The following EYS variants were observed in gnomAD, a reference collection of about 807,000 sequenced individuals.
The protein encoded by EYS is protein eyes shut homolog.
Under a neutral mutation model 282.1 loss-of-function variants are expected in EYS, and 250 were observed. The ratio of observed to expected loss-of-function variants is 0.89; its 90% CI spans 0.80 to 0.98. The LOEUF is 0.98. EYS is among the 50% of genes least tolerant of loss of function. The probability of loss-of-function intolerance (pLI) is 0.00; values close to 1 mark genes in which losing one functional copy is unlikely to be tolerated. For synonymous variants in EYS, 1,355 were observed against 1,282.9 expected (o/e 1.06, Z -1.20); for missense variants, 4,016 against 3,709.0 (o/e 1.08, Z -2.15).
intron 35 of EYS, among the ~76,000 whole-genome samples, chr6:63,933,857 A>G (rs1008529008): frequency 3.3e-5 from 5 of 152,178 alleles, no homozygotes; most frequent in Admixed American, 1.3e-4. Flanking sequence ...ACATAATATC[A>G]TCCAGGTAAA....
intron 2 of EYS, among the ~76,000 whole-genome samples, chr6:65,614,305 C>G (rs1263903100): frequency 6.6e-6 from 1 of 151,906 alleles, no homozygotes; most frequent in African/African-American, 2.4e-5. Flanking sequence ...ATACACAGGA[C>G]TAGTTAACAA....
At position 65,639,014 on chromosome 6, in the gene EYS, T is replaced by C. The variant is rs531556753; in HGVS notation, c.-333+764A>G. Reference sequence around the variant, plus strand: ...GCTCTATATTCTCCTAGCTGCTCTGTAGAAAAAAGTTCAGACAAAACAAAT... The same window carrying C: ...GCTCTATATTCTCCTAGCTGCTCTGCAGAAAAAAGTTCAGACAAAACAAAT... On this transcript the variant is annotated intron_variant, in intron 2 of 42. Coordinates refer to ENST00000503581, the MANE Select transcript of EYS (RefSeq NM_001142800.2). Among the ~76,000 whole-genome samples, 17 of 152,276 alleles carry C rather than the reference T, an allele frequency of 1.1e-4. 1 individual carries two copies. In the South Asian group the frequency reaches 3.5e-3, roughly 32 times the overall value.
intron 32 of EYS, among the ~76,000 whole-genome samples, chr6:64,079,622 T>A (rs1377316936): frequency 6.6e-6 from 1 of 152,134 alleles, no homozygotes; most frequent in Non-Finnish European, 1.5e-5. Flanking sequence ...GTGCACAACA[T>A]GCAGGTTTGT....
chr6:64,599,414 G>A (rs1317856741), intron 24 of EYS, among the ~76,000 whole-genome samples: 3 of 152,084 alleles, frequency 2.0e-5, no homozygotes, highest in African/African-American at 7.2e-5. Context: ...CTAGATGTAT[G>A]GGGTGAGAAT....
intron 21 of EYS, among the ~76,000 whole-genome samples, chr6:64,815,862 C>A (rs1764730911): frequency 6.6e-6 from 1 of 151,944 alleles, no homozygotes; most frequent in African/African-American, 2.4e-5. Context: ...AGGAACAGGG[C>A]AGTGATATAT....
At chr6:64,625,125 G>T (rs1180921019) in intron 23 of EYS, among the ~76,000 whole-genome samples, 1 of 152,060 alleles carries the variant, frequency 6.6e-6, no homozygotes, top group Non-Finnish European at 1.5e-5. Flanking sequence ...TTGAACATCC[G>T]TTTTGGGTTA....
chr6:65,378,407 GA>G (rs1222587617), intron 8 of EYS, among the ~76,000 whole-genome samples: 4 of 152,188 alleles, frequency 2.6e-5, no homozygotes, highest in African/African-American at 7.2e-5. Context: ...AGGATGTGGA[GA>G]AATAGGAACG....
In EYS at chr6:65,625,574, T is replaced by C. The variant is rs553211291; in HGVS notation, c.-333+14204A>G. On this transcript the variant is annotated intron_variant, in intron 2 of 42. Coordinates refer to ENST00000503581, the MANE Select transcript of EYS (RefSeq NM_001142800.2). ...GTGAAAATGTCAATATAATACCGCA[T>C]ATTTTAGGCAAAGAGAGGTTGTGAA... 2.5e-4 allele frequency among the ~76,000 whole-genome samples: 38 copies of C among 152,314 alleles called. No individual in the cohort carries two copies. The South Asian group carries it at 7.5e-3, about 30-fold the overall frequency.
intron 26 of EYS, among the ~76,000 whole-genome samples, chr6:64,517,651 T>A (rs1344554041): frequency 6.6e-6 from 1 of 151,740 alleles, no homozygotes; most frequent in Non-Finnish European, 1.5e-5. Context: ...AGGGAAAGGA[T>A]CTTCATGTTC....
At chr6:63,897,252 G>A (rs1471287450) in intron 35 of EYS, among the ~76,000 whole-genome samples, 1 of 152,186 alleles carries the variant, frequency 6.6e-6, no homozygotes, top group Non-Finnish European at 1.5e-5. Context: ...CATGTAGTAG[G>A]CTGAACAATG....
chr6:64,185,537 T>C (rs1764910100), intron 31 of EYS, among the ~76,000 whole-genome samples: 1 of 152,190 alleles, frequency 6.6e-6, no homozygotes. Flanking sequence ...GAGTTTTATG[T>C]AGACACGGAA....
intron 18 of EYS, among the ~76,000 whole-genome samples, chr6:64,889,153 A>G (rs1767195907): frequency 6.6e-6 from 1 of 151,976 alleles, no homozygotes; most frequent in Non-Finnish European, 1.5e-5. Flanking sequence ...GTAGTTTACT[A>G]CTTAATTTAT....
intron 2 of EYS, among the ~76,000 whole-genome samples, chr6:65,584,352 C>A (rs555836428): frequency 1.3e-4 from 20 of 152,138 alleles, no homozygotes; most frequent in African/African-American, 4.8e-4. Flanking sequence ...AACAGGAGAA[C>A]TCCACACAAC....
At chr6:64,112,783 TATATCTATA>T (rs1005981296) in intron 31 of EYS, among the ~76,000 whole-genome samples, 1 of 149,532 alleles carries the variant, frequency 6.7e-6, no homozygotes, top group African/African-American at 2.4e-5. Flanking sequence ...TAGAATAATA[TATATCTATA>T]ATATCTATAT....
At chr6:64,187,936 T>C (rs974602284) in intron 31 of EYS, among the ~76,000 whole-genome samples, 29 of 152,228 alleles carry the variant, frequency 1.9e-4, no homozygotes, top group African/African-American at 7.0e-4. Context: ...TCTTCAAAAT[T>C]ATTTGTGTAT....
At chr6:63,925,073 T>A (rs988038034) in intron 35 of EYS, among the ~76,000 whole-genome samples, 1 of 152,198 alleles carries the variant, frequency 6.6e-6, no homozygotes, top group African/African-American at 2.4e-5. Context: ...ATGCTGGACA[T>A]CTTTGGGCAA....
At chr6:65,411,297 C>T (rs1250300432) in intron 5 of EYS, among the ~76,000 whole-genome samples, 2 of 151,946 alleles carry the variant, frequency 1.3e-5, no homozygotes, top group African/African-American at 4.8e-5. Flanking sequence ...TAAATATATC[C>T]TGTGTGTATA....
rs553873457 is a variant in EYS at position 64,940,703 on chromosome 6, CT to C, written c.2381+5089del. On this transcript the variant is annotated intron_variant, in intron 15 of 42. Transcript: ENST00000503581. ...TATATTACCAAAATTATTTATTTAT[CT>C]TTTTTTTGTCACATAGTATCTATGC... Among the ~76,000 whole-genome samples, 171 of 151,686 alleles carry C rather than the reference CT, an allele frequency of 1.1e-3. 1 individual carries two copies. Among genetic ancestry groups the C allele is most frequent in the African/African-American group, 4.0e-3 (164 of 41,416 alleles).
chr6:65,085,599 A>C (rs1774342090), intron 12 of EYS, among the ~76,000 whole-genome samples: 1 of 152,156 alleles, frequency 6.6e-6, no homozygotes, highest in Non-Finnish European at 1.5e-5. Flanking sequence ...ATATGCCCAG[A>C]AAAATTCAAG....
Sources: allele counts gnomAD v4.1 joint callset (sites outside exome capture counted in the v4.1 genomes callset), GRCh38; gene constraint gnomAD v4.1.1; transcripts MANE v1.5; gene names NCBI Gene and HGNC (gene_info 2026-07-23, HGNC 2026-07-21).